FTO: variants seen among roughly 807,000 people sequenced by gnomAD.
The protein encoded by FTO is alpha-ketoglutarate-dependent dioxygenase FTO.
FTO carries 47 observed loss-of-function variants against 63.9 expected under a neutral mutation model. The observed-to-expected ratio is 0.74, with a 90% CI of 0.58 to 0.94. The LOEUF is 0.94. Among genes scored for constraint, FTO ranks in the 40% least tolerant of loss-of-function variants. The pLI is 0.00. For synonymous variants in FTO, 207 were observed against 224.4 expected, an observed-to-expected ratio of 0.92 and a Z score of 0.69; for missense variants, 562 against 618.1, an observed-to-expected ratio of 0.91 and a Z score of 0.96.
chr16:54,034,055 A>C (rs1231641348), intron 8 of FTO: 1 of 152,222 alleles, frequency 6.6e-6, no homozygotes, highest in Non-Finnish European at 1.5e-5. Flanking sequence ...GCGAGGGCCC[A>C]CTGTCACTTC....
chr16:54,087,422 C>T (rs2086275659), intron 8 of FTO, among the ~76,000 whole-genome samples: 1 of 152,114 alleles, frequency 6.6e-6, no homozygotes, highest in East Asian at 1.9e-4. Flanking sequence ...GTGAGATAGA[C>T]AATCAAAAGA....
At chr16:53,930,695 A>G (rs2082260951) in intron 7 of FTO, among the ~76,000 whole-genome samples, 1 of 152,192 alleles carries the variant, frequency 6.6e-6, no homozygotes, top group African/African-American at 2.4e-5. Context: ...CATAGTTCAT[A>G]TACAAATGTG....
intron 1 of FTO, among the ~76,000 whole-genome samples, chr16:53,803,258 A>G (rs1289370590): frequency 6.6e-6 from 1 of 152,226 alleles, no homozygotes; most frequent in African/African-American, 2.4e-5. Context: ...GAACAGTGTG[A>G]CATTGAGTCT....
intron 4 of FTO, among the ~76,000 whole-genome samples, chr16:53,864,445 G>A (rs765320508): frequency 5.9e-5 from 9 of 152,278 alleles, no homozygotes; most frequent in East Asian, 1.9e-4. Flanking sequence ...CAGGAAAGTC[G>A]TGAACATGAA....
intron 1 of FTO, among the ~76,000 whole-genome samples, chr16:53,739,023 C>T (rs935660437): frequency 2.1e-4 from 32 of 151,974 alleles, no homozygotes; most frequent in African/African-American, 7.7e-4. Context: ...TAGGGTCTCC[C>T]CATATGTTGC....
intron 4 of FTO, among the ~76,000 whole-genome samples, chr16:53,862,373 G>A (rs1210912139): frequency 4.6e-5 from 7 of 152,052 alleles, no homozygotes. Flanking sequence ...TTGGTAAGCT[G>A]TATTTTCTGT....
intron 1 of FTO, among the ~76,000 whole-genome samples, chr16:53,801,899 A>T (rs2078238250): frequency 1.3e-5 from 2 of 152,084 alleles, no homozygotes; most frequent in South Asian, 4.1e-4. Flanking sequence ...AGCTGGGATT[A>T]CAGGTGTGCG....
intron 1 of FTO, among the ~76,000 whole-genome samples, chr16:53,794,045 T>C (rs1263006586): frequency 6.6e-6 from 1 of 152,234 alleles, no homozygotes; most frequent in East Asian, 1.9e-4. Flanking sequence ...ATTTATGAAC[T>C]TGCCAAAGAT....
At chr16:54,038,719 CTT>C (rs1465412060) in intron 8 of FTO, among the ~76,000 whole-genome samples, 2 of 152,216 alleles carry the variant, frequency 1.3e-5, no homozygotes, top group South Asian at 2.1e-4. Context: ...CCCTCTCTCT[CTT>C]GTTCCCTCTT....
intron 8 of FTO, among the ~76,000 whole-genome samples, chr16:53,973,019 G>A (rs562579113): frequency 7.9e-5 from 12 of 152,212 alleles, no homozygotes; most frequent in African/African-American, 1.4e-4. Flanking sequence ...GATGGTTAAC[G>A]GAGAAAGTAA....
At chr16:54,091,658 C>T (rs1410409108) in intron 8 of FTO, among the ~76,000 whole-genome samples, 1 of 152,206 alleles carries the variant, frequency 6.6e-6, no homozygotes, top group African/African-American at 2.4e-5. Flanking sequence ...CTTGCTTTTT[C>T]GTTGTGAACC....
chr16:54,079,313 CT>C (rs2086082959), intron 8 of FTO, among the ~76,000 whole-genome samples: 1 of 152,104 alleles, frequency 6.6e-6, no homozygotes, highest in Non-Finnish European at 1.5e-5. Context: ...AAGAATGAAG[CT>C]TGATTCTGAG....
intron 7 of FTO, among the ~76,000 whole-genome samples, chr16:53,926,820 T>C (rs898913072): frequency 2.7e-5 from 4 of 150,420 alleles, no homozygotes; most frequent in African/African-American, 9.8e-5. Flanking sequence ...ATCAAAAGGG[T>C]TTTTTTTTTC....
At chr16:53,916,999 G>C (rs2081886486) in intron 7 of FTO, among the ~76,000 whole-genome samples, 1 of 152,180 alleles carries the variant, frequency 6.6e-6, no homozygotes, top group Non-Finnish European at 1.5e-5. Flanking sequence ...TGGAGTCTCA[G>C]TCACCAGAAG....
chr16:53,738,941 A>G (rs189754211), intron 1 of FTO, among the ~76,000 whole-genome samples: 1 of 151,064 alleles, frequency 6.6e-6, no homozygotes, highest in Non-Finnish European at 1.5e-5. Context: ...CCGGGGCTCA[A>G]GCAGTCTTTC....
At position 53,893,596 on chromosome 16, in the gene FTO, A is replaced by G. The variant is rs181180588; in HGVS notation, c.1239+4645A>G. The stretch of plus-strand genomic sequence containing the variant: ...TTTTAACACTATCAAATTCACAATG[A>G]TACAGAAAAGAATGCTAGGTGCGAA... On this transcript the variant is annotated intron_variant, in intron 7 of 8. Transcript: ENST00000471389. Among the ~76,000 whole-genome samples the G allele has an allele frequency of 2.7e-3, 415 of 152,268 alleles. 2 individuals are homozygous for G. Among genetic ancestry groups the G allele is most frequent in the African/African-American group, 9.6e-3 (400 of 41,536 alleles).
intron 2 of FTO, 80 bp from the exon 3 acceptor site, chr16:53,825,784 C>G: frequency 6.5e-7 from 1 of 1,545,964 alleles, no homozygotes; most frequent in East Asian, 2.2e-5. Flanking sequence ...TCCCCAAATG[C>G]TTACAAAGAA....
chr16:53,944,344 A>C (rs1310179029), intron 8 of FTO, among the ~76,000 whole-genome samples: 1 of 152,254 alleles, frequency 6.6e-6, no homozygotes, highest in African/African-American at 2.4e-5. Context: ...TTATGTGCCC[A>C]GCGACAGTGA....
intron 1 of FTO, among the ~76,000 whole-genome samples, chr16:53,752,690 G>A (rs904418041): frequency 1.3e-5 from 2 of 152,132 alleles, no homozygotes; most frequent in African/African-American, 4.8e-5. Context: ...TAATGATGCA[G>A]CAATTATGTG....
Sources: allele counts gnomAD v4.1 joint callset (sites outside exome capture counted in the v4.1 genomes callset), GRCh38; gene constraint gnomAD v4.1.1; transcripts MANE v1.5; gene names NCBI Gene and HGNC (gene_info 2026-07-23, HGNC 2026-07-21).